The following PTPRG variants were observed in gnomAD, a reference collection of about 807,000 sequenced individuals.
PTPRG encodes receptor-type tyrosine-protein phosphatase gamma.
Under a neutral mutation model 165.3 loss-of-function variants are expected in PTPRG, and 102 were observed. The ratio of observed to expected loss-of-function variants is 0.62; its 90% CI spans 0.53 to 0.73. The LOEUF (loss-of-function observed/expected upper bound fraction) is 0.73, where lower values mean the gene tolerates loss of function less well. PTPRG is among the 30% of genes least tolerant of loss of function. PTPRG has a pLI of 0.00. For synonymous variants in PTPRG, 675 were observed against 669.5 expected, an observed-to-expected ratio of 1.01 and a Z score of -0.13; for missense variants, 1,866 against 1,861.4, an observed-to-expected ratio of 1.00 and a Z score of -0.05.
chr3:61,604,378 G>A (rs1219838827), intron 1 of PTPRG, among the ~76,000 whole-genome samples: 1 of 152,092 alleles, frequency 6.6e-6, no homozygotes, highest in Non-Finnish European at 1.5e-5. Flanking sequence ...TGATGGTGAC[G>A]GGAGGTTGTA....
chr3:62,052,192 G>GATT (rs1700489761), intron 4 of PTPRG, among the ~76,000 whole-genome samples: 1 of 152,170 alleles, frequency 6.6e-6, no homozygotes, highest in African/African-American at 2.4e-5. Flanking sequence ...AAATGTTAAA[G>GATT]ATTAGCACGA....
chr3:62,148,810 C>G (rs1291754863), intron 6 of PTPRG, among the ~76,000 whole-genome samples: 1 of 152,068 alleles, frequency 6.6e-6, no homozygotes, highest in Non-Finnish European at 1.5e-5. Context: ...GTTGCCTAGT[C>G]TTCAGTGAGA....
intron 1 of PTPRG, among the ~76,000 whole-genome samples, chr3:61,672,111 C>A (rs1188505649): frequency 6.7e-6 from 1 of 150,278 alleles, no homozygotes; most frequent in African/African-American, 2.5e-5. Flanking sequence ...CTCCCCACAT[C>A]TCAGACGATG....
At chr3:62,283,757 A>T (rs1386015443) in intron 28 of PTPRG, among the ~76,000 whole-genome samples, 1 of 152,088 alleles carries the variant, frequency 6.6e-6, no homozygotes, top group Admixed American at 6.6e-5. Context: ...ATGCTGTATC[A>T]TGATGTACAC....
chr3:62,265,100 T>C (rs1179077435), intron 17 of PTPRG, among the ~76,000 whole-genome samples: 1 of 152,212 alleles, frequency 6.6e-6, no homozygotes, highest in Non-Finnish European at 1.5e-5. Context: ...TTTGGAGAAA[T>C]GTCTAATCAG....
At chr3:61,896,859 A>C (rs186330270) in intron 2 of PTPRG, among the ~76,000 whole-genome samples, 148 of 151,844 alleles carry the variant, frequency 9.7e-4, no homozygotes, top group African/African-American at 3.5e-3. Context: ...TGCTATCTGT[A>C]TGTCGTCTTT....
rs1026149518 is a variant in PTPRG at position 62,214,590 on chromosome 3, T to C, written c.2156-4261T>C. ...ACACAGACGGAAATCAGCCCTGCCT[T>C]TGGGGACCTAGAGTAACAAAAGAGC... On this transcript the variant is annotated intron_variant, in intron 12 of 29. Transcript: ENST00000474889. The surrounding 1 kb of genome is among the most constrained non-coding windows in gnomAD (Gnocchi z 5.2). Among the ~76,000 whole-genome samples the C allele has an allele frequency of 1.3e-5, 2 of 152,168 alleles. No homozygotes were observed. Among genetic ancestry groups the C allele is most frequent in the Non-Finnish European group, 2.9e-5 (2 of 68,024 alleles).
At chr3:61,970,249 G>A (rs2040353192) in intron 2 of PTPRG, among the ~76,000 whole-genome samples, 3 of 152,076 alleles carry the variant, frequency 2.0e-5, no homozygotes, top group Non-Finnish European at 4.4e-5. Flanking sequence ...AGGAAAGAAG[G>A]CCTTTAATTT....
chr3:61,753,662 GCAACCCCC>G (rs1274606234), intron 2 of PTPRG: 1 of 424,680 alleles, frequency 2.4e-6, no homozygotes, highest in Non-Finnish European at 4.6e-6. Context: ...TCAGCTCACT[GCAACCCCC>G]CAACCCCCTG....
At chr3:62,134,890 T>TA (rs1703649172) in intron 6 of PTPRG, among the ~76,000 whole-genome samples, 1 of 152,192 alleles carries the variant, frequency 6.6e-6, no homozygotes, top group African/African-American at 2.4e-5. Flanking sequence ...CCCATGTGGG[T>TA]ATTGCCTTGA....
At chr3:62,179,647 A>C (rs895490216) in intron 8 of PTPRG, among the ~76,000 whole-genome samples, 1 of 152,218 alleles carries the variant, frequency 6.6e-6, no homozygotes, top group African/African-American at 2.4e-5. Flanking sequence ...AGTCCCTGCC[A>C]TGTGCTGAAT....
intron 1 of PTPRG, among the ~76,000 whole-genome samples, chr3:61,747,967 A>G (rs2033277115): frequency 1.3e-5 from 2 of 152,226 alleles, no homozygotes; most frequent in South Asian, 4.1e-4. Flanking sequence ...ACAACAAAAG[A>G]AATCCGCATC....
At chr3:62,132,526 C>G (rs1244869421) in intron 5 of PTPRG, 76 bp from the exon 6 acceptor site, 18 of 1,195,910 alleles carry the variant, frequency 1.5e-5, no homozygotes, top group Non-Finnish European at 2.3e-5. Context: ...TCCCCCTTCT[C>G]TTTAGAAGAT....
chr3:61,810,008 G>C (rs894850875), intron 2 of PTPRG, among the ~76,000 whole-genome samples: 2 of 152,180 alleles, frequency 1.3e-5, no homozygotes, highest in African/African-American at 4.8e-5. Context: ...AGCTGCAATG[G>C]GGGGCTGGGA....
chr3:61,724,340 T>C (rs1445891997), intron 1 of PTPRG, among the ~76,000 whole-genome samples: 1 of 152,142 alleles, frequency 6.6e-6, no homozygotes, highest in African/African-American at 2.4e-5. Flanking sequence ...TTGGCCTTAT[T>C]GTAAAGTAGT....
At chr3:62,232,908 T>TA (rs1673610441) in intron 14 of PTPRG, among the ~76,000 whole-genome samples, 1 of 152,198 alleles carries the variant, frequency 6.6e-6, no homozygotes, top group South Asian at 2.1e-4. Flanking sequence ...CTCAGGGAGA[T>TA]ATGTGTTCTA....
At chr3:62,150,600 T>C (rs564976927) in intron 6 of PTPRG, among the ~76,000 whole-genome samples, 1 of 152,232 alleles carries the variant, frequency 6.6e-6, no homozygotes, top group South Asian at 2.1e-4. Context: ...CCTCCTTGCA[T>C]AACACCAGGC....
At chr3:62,205,888 G>A (rs1052697452) in intron 12 of PTPRG, among the ~76,000 whole-genome samples, 8 of 152,178 alleles carry the variant, frequency 5.3e-5, no homozygotes, top group Non-Finnish European at 1.0e-4. Flanking sequence ...AGGCCTCTGC[G>A]TGGAGATGAT....
At chr3:61,566,486 T>C (rs1462608414) in intron 1 of PTPRG, among the ~76,000 whole-genome samples, 4 of 152,230 alleles carry the variant, frequency 2.6e-5, no homozygotes, top group East Asian at 3.9e-4. Context: ...CCTACTCCCT[T>C]GTCTCCCTGC....
Sources: allele counts gnomAD v4.1 joint callset (sites outside exome capture counted in the v4.1 genomes callset), GRCh38; gene constraint gnomAD v4.1.1; non-coding constraint Gnocchi (gnomAD v3.1); transcripts MANE v1.5; gene names NCBI Gene and HGNC (gene_info 2026-07-23, HGNC 2026-07-21).